Variants in CYP4F12 observed in about 807,000 individuals in gnomAD.
The protein encoded by CYP4F12 is cytochrome P450 family 4 subfamily F member 12.
In CYP4F12, 60 loss-of-function variants were observed where a neutral mutation model predicts 56.5. The observed-to-expected ratio is 1.06, with a 90% CI of 0.86 to 1.32. The LOEUF (loss-of-function observed/expected upper bound fraction) is 1.32, where lower values mean the gene tolerates loss of function less well. Among genes scored for constraint, CYP4F12 ranks in the 40% most tolerant of loss-of-function variants. The pLI is 0.00. For missense variants in CYP4F12, 711 were observed against 683.5 expected, an observed-to-expected ratio of 1.04 and a Z score of -0.45; for synonymous variants, 263 against 264.9, an observed-to-expected ratio of 0.99 and a Z score of 0.07.
chr19:15,687,864 A>C (rs1026276997), intron 9 of CYP4F12, among the ~76,000 whole-genome samples: 5 of 152,172 alleles, frequency 3.3e-5, no homozygotes, highest in Non-Finnish European at 7.4e-5. Context: ...ATTGTATCTC[A>C]CAGGGGACCT....
intron 9 of CYP4F12, among the ~76,000 whole-genome samples, chr19:15,691,853 G>A (rs990423593): frequency 2.6e-5 from 4 of 152,078 alleles, no homozygotes; most frequent in African/African-American, 9.7e-5. Flanking sequence ...TTGGCAGATG[G>A]GAAGTTTCCA....
In CYP4F12 at chr19:15,697,049, G is replaced by C. The variant is rs199885168; in HGVS notation, c.1539G>C (p.Trp513Cys). Residue 513 changes from tryptophan (W) to cysteine (C), a missense_variant, in exon 13 of 13, where the codon TGG becomes TGC. Physicochemically the swap from Trp to Cys is radical, Grantham distance 215 (BLOSUM62 -2). Coordinates refer to ENST00000550308, the MANE Select transcript of CYP4F12 (RefSeq NM_023944.4). ...TCATGCGCGCCGAGGGCGGGCTTTG[G>C]CTGCGGGTGGAGCCCCTGAATGTAA... Reference protein sequence around the residue: ...ELIMRAEGGLWLRVEPLNVSL... With the variant: ...ELIMRAEGGLCLRVEPLNVSL... 4.7e-5 allele frequency: 76 copies of C among 1,614,090 alleles called. No homozygotes were observed. In the African/African-American group the frequency reaches 9.5e-4, roughly 20 times the overall value.
chr19:15,673,251 C>A (rs7254013), intron 1 of CYP4F12, 116 bp downstream of exon 1: 527,554 of 570,252 alleles, frequency 0.93, 244,176 homozygotes, highest in East Asian at 1. Context: ...TTCCTGGTAA[C>A]TGGACTCCTA....
intron 5 of CYP4F12, 123 bp downstream of exon 5, chr19:15,680,642 T>C (rs2007246024): frequency 7.7e-7 from 1 of 1,297,234 alleles, no homozygotes; most frequent in East Asian, 2.4e-5. Flanking sequence ...CTCTGAGCCT[T>C]GGTTTCCTCA....
chr19:15,673,467 A>G, intron 1 of CYP4F12, 62 bp from the exon 2 acceptor site: 3 of 1,525,502 alleles, frequency 2.0e-6, no homozygotes, highest in Non-Finnish European at 2.7e-6. Context: ...GCCCCTATAC[A>G]CTGTCCCCGG....
chr19:15,689,143 A>AATAATCATCATCATCATCATCATCATC (rs146012868), intron 9 of CYP4F12, among the ~76,000 whole-genome samples: 1 of 150,688 alleles, frequency 6.6e-6, no homozygotes, highest in African/African-American at 2.5e-5. Flanking sequence ...TAATAATAAT[A>AATAATCATCATCATCATCATCATCATC]ATAGCCGACT....
Position 15,673,097 on chromosome 19 carries a change from G to A in CYP4F12, c.-40G>A. On this transcript the variant is annotated 5_prime_UTR_variant, in exon 1 of 13. Transcript: ENST00000550308. ...GGCCAAAGACCTCCCAGCAGAAGAGGAGAAGAGGTTGTGTGGGACAAGCTG... is the reference window on the plus strand; with the variant it reads ...GGCCAAAGACCTCCCAGCAGAAGAGAAGAAGAGGTTGTGTGGGACAAGCTG... 1 of 380,288 alleles carries A rather than the reference G, an allele frequency of 2.6e-6. No homozygotes were observed. The highest frequency in any genetic ancestry group is 5.1e-6 in the Non-Finnish European group (1 of 195,944). The allele number at this position is 380,288 out of a possible 1,614,324, so 23.6% of individuals were successfully genotyped here.
intron 2 of CYP4F12, 61 bp from the exon 3 acceptor site, chr19:15,678,200 A>AGT: frequency 6.2e-7 from 1 of 1,603,942 alleles, no homozygotes; most frequent in Non-Finnish European, 8.5e-7. Context: ...CCCTTAGCCC[A>AGT]GTCTAGTGGA....
intron 5 of CYP4F12, 63 bp downstream of exon 5, chr19:15,680,582 T>C (rs1292190271): frequency 1.2e-6 from 2 of 1,612,382 alleles, no homozygotes; most frequent in Non-Finnish European, 1.7e-6. Flanking sequence ...TGGACACATC[T>C]GGTCTGGAAT....
rs987082103 is a variant in CYP4F12, at chr19:15,696,907, G to A, written c.1398-1G>A. The A allele has an allele frequency of 1.2e-6, 2 of 1,610,998 alleles. No individual in the cohort carries two copies. Among genetic ancestry groups the A allele is most frequent in the East Asian group, 2.2e-5 (1 of 44,826 alleles). On this transcript the variant is annotated splice_acceptor_variant, in intron 12 of 12. Coordinates refer to ENST00000550308, the MANE Select transcript of CYP4F12 (RefSeq NM_023944.4). LOFTEE classifies it high-confidence loss of function. ...GTCACAGTCCCCACTCCCGCCTGCA[G>A]GAACTGCATCGGGCAGGCGTTCGCC...
intron 9 of CYP4F12, among the ~76,000 whole-genome samples, chr19:15,686,567 G>A (rs2007616742): frequency 6.6e-6 from 1 of 152,148 alleles, no homozygotes; most frequent in African/African-American, 2.4e-5. Context: ...GAGAGAGAAA[G>A]GAACTGAGTT....
In CYP4F12 at chr19:15,696,519, G is replaced by C. The variant is rs1193526806; in HGVS notation, c.1397+7G>C. 1.2e-6 allele frequency: 2 copies of C among 1,612,152 alleles called. No homozygotes were observed. Among genetic ancestry groups the C allele is most frequent in the East Asian group, 4.5e-5 (2 of 44,864 alleles). On this transcript the variant is annotated splice_region_variant and intron_variant, in intron 12 of 12. Coordinates refer to ENST00000550308, the MANE Select transcript of CYP4F12 (RefSeq NM_023944.4). ...CTTTCTCCGCAGGGCCCAGGTAAGA[G>C]CGCCCTGTGTCTGAGGCAGGGATGG...
chr19:15,677,529 TCTC>T (rs1174489767), intron 2 of CYP4F12, among the ~76,000 whole-genome samples: 4 of 66,528 alleles, frequency 6.0e-5, no homozygotes, highest in African/African-American at 1.8e-4. Context: ...CACTCATTCC[TCTC>T]CTCACTCGCT....
rs574769657 is a variant in CYP4F12 at position 15,673,505 on chromosome 19, C to T, written c.-1-24C>T. On this transcript the variant is annotated intron_variant, in intron 1 of 12. Coordinates refer to ENST00000550308, the MANE Select transcript of CYP4F12 (RefSeq NM_023944.4). ...CTCTTCCCTGGGCCTCAGGTCCTCACCCTGCATCCCCTCTGCCCTGCAGGA... is the reference window on the plus strand; with the variant it reads ...CTCTTCCCTGGGCCTCAGGTCCTCATCCTGCATCCCCTCTGCCCTGCAGGA... 9.3e-6 allele frequency: 15 copies of T among 1,610,420 alleles called. 1 individual carries two copies. The highest frequency in any genetic ancestry group is 4.0e-5 in the African/African-American group (3 of 74,904).
intron 9 of CYP4F12, among the ~76,000 whole-genome samples, chr19:15,693,157 C>T (rs894631336): frequency 1.2e-4 from 16 of 131,094 alleles, no homozygotes; most frequent in African/African-American, 3.8e-4. Context: ...TTAAAATCAG[C>T]CCAGAAAGCA....
At position 15,697,039 on chromosome 19, in the gene CYP4F12, G is replaced by T; in HGVS notation, c.1529G>T (p.Gly510Val). The T allele has an allele frequency of 6.2e-7, 1 of 1,614,162 alleles. No individual in the cohort carries two copies. The highest frequency in any genetic ancestry group is 8.5e-7 in the Non-Finnish European group (1 of 1,179,954). Reference sequence around the variant, plus strand: ...CTGGAATTGATCATGCGCGCCGAGGGCGGGCTTTGGCTGCGGGTGGAGCCC... The same window carrying T: ...CTGGAATTGATCATGCGCGCCGAGGTCGGGCTTTGGCTGCGGGTGGAGCCC... The part of the protein sequence containing the change: ...RKLELIMRAE[G>V]GLWLRVEPLN... The change falls in exon 13 of 13, where the codon GGC becomes GTC. Residue 510 changes from glycine to valine, a missense_variant. Transcript: ENST00000550308.
intron 3 of CYP4F12, 89 bp downstream of exon 3, chr19:15,678,494 C>A: frequency 6.7e-7 from 1 of 1,501,218 alleles, no homozygotes. Flanking sequence ...AGTACTCGTG[C>A]CCCTCATTGA....
At chr19:15,681,846 A>G (rs2007318300) in intron 5 of CYP4F12, 1 of 152,810 alleles carries the variant, frequency 6.5e-6, no homozygotes, top group Admixed American at 6.5e-5. Flanking sequence ...AGATGAATAA[A>G]GCAAACATTT....
chr19:15,689,680 T>C lies in CYP4F12; in HGVS notation c.1115+4483T>C, dbSNP rs73009831. Among the ~76,000 whole-genome samples, 519 of 152,318 alleles carry C rather than the reference T, an allele frequency of 3.4e-3. 1 individual carries two copies. Among genetic ancestry groups the C allele is most frequent in the Non-Finnish European group, 5.9e-3 (400 of 68,024 alleles). Reference sequence around the variant, plus strand: ...TGCTTATAGTAGCACAATTCACAATTGTAAAGGTACGGAACCAACCTAACT... The same window carrying C: ...TGCTTATAGTAGCACAATTCACAATCGTAAAGGTACGGAACCAACCTAACT... On this transcript the variant is annotated intron_variant, in intron 9 of 12. Transcript: ENST00000550308.
Sources: allele counts gnomAD v4.1 joint callset (sites outside exome capture counted in the v4.1 genomes callset), GRCh38; gene constraint gnomAD v4.1.1; transcripts MANE v1.5; gene names NCBI Gene and HGNC (gene_info 2026-07-23, HGNC 2026-07-21).